Variants in SMARCA5 observed in about 807,000 individuals in gnomAD.
The protein encoded by SMARCA5 is SWI/SNF-related matrix-associated actin-dependent regulator of chromatin subfamily A member 5.
In SMARCA5, 18 loss-of-function variants were observed where a neutral mutation model predicts 140.4. The ratio of observed to expected loss-of-function variants is 0.13; its 90% CI spans 0.09 to 0.19. The LOEUF is 0.19. Ranked by LOEUF, SMARCA5 falls within the 10% of genes least tolerant of loss-of-function variation. The probability of loss-of-function intolerance (pLI) is 1.00; values close to 1 mark genes in which losing one functional copy is unlikely to be tolerated. For missense variants in SMARCA5, 606 were observed against 1,276.8 expected (o/e 0.47, Z 8.01); for synonymous variants, 449 against 419.6 (o/e 1.07, Z -0.86).
chr4:143,538,446 A>G (rs565365221), intron 11 of SMARCA5, 144 bp from the exon 12 acceptor site: 4 of 649,352 alleles, frequency 6.2e-6, no homozygotes, highest in East Asian at 5.2e-5. Context: ...ACTGACTTGG[A>G]TAATAATGTG....
At chr4:143,535,566 C>G (rs1221382043) in intron 10 of SMARCA5, among the ~76,000 whole-genome samples, 1 of 152,086 alleles carries the variant, frequency 6.6e-6, no homozygotes, top group African/African-American at 2.4e-5. Flanking sequence ...GTGGTTGGTC[C>G]TAAATGTCCT....
rs1737727960 is a variant in SMARCA5, at chr4:143,555,460, G to GAAAGT, written c.*2281_*2285dup. 1 of 543,364 alleles carries GAAAGT rather than the reference G, an allele frequency of 1.8e-6. No homozygotes were observed. The allele number at this position is 543,364 out of a possible 1,614,324, so 33.7% of individuals were successfully genotyped here. The stretch of plus-strand genomic sequence containing the variant: ...ATTGTATAATAGTTTCTGTTCTGTG[G>GAAAGT]AAAGTAAAGCATTCCAACACAGGGT... On this transcript the variant is annotated 3_prime_UTR_variant, in exon 24 of 24. Coordinates refer to ENST00000283131, the MANE Select transcript of SMARCA5 (RefSeq NM_003601.4).
chr4:143,553,114 T>C lies in SMARCA5; in HGVS notation c.3094-5T>C, dbSNP rs1271409020. 17 of 1,608,752 alleles carry C rather than the reference T, an allele frequency of 1.1e-5. No individual in the cohort carries two copies. Among genetic ancestry groups the C allele is most frequent in the Non-Finnish European group, 1.2e-5 (14 of 1,175,494 alleles). On this transcript the variant is annotated splice_region_variant and splice_polypyrimidine_tract_variant and intron_variant, in intron 23 of 23. Coordinates refer to ENST00000283131, the MANE Select transcript of SMARCA5 (RefSeq NM_003601.4). ...GTGAAAAGTAATCCTTCTGTCTGTT[T>C]GTAGACACAGAAACGTAAAATGGAT...
Position 143,549,007 on chromosome 4 carries a change from A to C in SMARCA5, c.2985+867A>C, listed in dbSNP as rs562429152. Among the ~76,000 whole-genome samples the C allele has an allele frequency of 2.0e-5, 3 of 152,224 alleles. No homozygotes were observed. The East Asian group carries it at 5.8e-4, about 29-fold the overall frequency. ...AATACATGAAGATACTTTGAAGATA[A>C]AACACTGTATAAATATATAATTAGA... On this transcript the variant is annotated intron_variant, in intron 22 of 23. Coordinates refer to ENST00000283131, the MANE Select transcript of SMARCA5 (RefSeq NM_003601.4).
At chr4:143,540,236 G>T in intron 13 of SMARCA5, 127 bp from the exon 14 acceptor site, 1 of 624,746 alleles carries the variant, frequency 1.6e-6, no homozygotes, top group East Asian at 3.1e-5. Flanking sequence ...TACAGATGCA[G>T]TGTTATTACA....
intron 11 of SMARCA5, 71 bp downstream of exon 11, chr4:143,536,749 C>A: frequency 9.4e-7 from 1 of 1,060,642 alleles, no homozygotes; most frequent in Non-Finnish European, 1.4e-6. Context: ...GAGCACTGTA[C>A]TTTGAAATGA....
At chr4:143,528,213 A>G (rs1385356931) in intron 7 of SMARCA5, among the ~76,000 whole-genome samples, 190 bp downstream of exon 7, 1 of 151,994 alleles carries the variant, frequency 6.6e-6, no homozygotes, top group African/African-American at 2.4e-5. Flanking sequence ...TGCATTAGGT[A>G]TTTGTCCTAA....
chr4:143,549,650 C>T (rs1737603244), intron 22 of SMARCA5, among the ~76,000 whole-genome samples: 1 of 152,042 alleles, frequency 6.6e-6, no homozygotes, highest in African/African-American at 2.4e-5. Flanking sequence ...CACTATTAAT[C>T]TTTTTAAGTT....
chr4:143,547,619 A>G, intron 21 of SMARCA5, 116 bp downstream of exon 21: 4 of 651,004 alleles, frequency 6.1e-6, no homozygotes, highest in Non-Finnish European at 8.2e-6. Flanking sequence ...AAATTTCTTC[A>G]GAGTAGCATT....
chr4:143,531,996 G>A (rs1737196734), intron 9 of SMARCA5, among the ~76,000 whole-genome samples: 1 of 152,182 alleles, frequency 6.6e-6, no homozygotes, highest in Non-Finnish European at 1.5e-5. Context: ...TGATTCACAA[G>A]TGTTTTCCAT....
At chr4:143,536,782 T>A in intron 11 of SMARCA5, 104 bp downstream of exon 11, 1 of 787,624 alleles carries the variant, frequency 1.3e-6, no homozygotes, top group Non-Finnish European at 2.1e-6. Flanking sequence ...TTTCCAAGGT[T>A]GACGTGTAGA....
Position 143,553,950 on chromosome 4 carries a change from TTAGA to T in SMARCA5, c.*769_*772del, listed in dbSNP as rs1412427780. On this transcript the variant is annotated 3_prime_UTR_variant, in exon 24 of 24. Transcript: ENST00000283131. The stretch of plus-strand genomic sequence containing the variant: ...TATGACCTTCTGAAGCAGCCACAAC[TTAGA>T]TAATGTCAGAACTAAGGTGATTTTT... The T allele has an allele frequency of 1.3e-5, 2 of 150,226 alleles. No individual in the cohort carries two copies. Among genetic ancestry groups the T allele is most frequent in the Non-Finnish European group, 3.0e-5 (2 of 67,586 alleles). 9.3% of individuals were successfully genotyped at this position (150,226 alleles called of 1,614,324 possible).
At chr4:143,517,017 T>C (rs1017077977) in intron 1 of SMARCA5, among the ~76,000 whole-genome samples, 1 of 152,224 alleles carries the variant, frequency 6.6e-6, no homozygotes. Context: ...CCACATTTTA[T>C]ACTATTTAGT....
At chr4:143,536,384 G>C in intron 10 of SMARCA5, 68 bp from the exon 11 acceptor site, 1 of 1,021,606 alleles carries the variant, frequency 9.8e-7, no homozygotes, top group Non-Finnish European at 1.5e-6. Context: ...AGGGGATTAA[G>C]TATGTAAAGT....
At chr4:143,536,710 T>C (rs1279897778) in intron 11 of SMARCA5, 32 bp downstream of exon 11, 12 of 1,442,970 alleles carry the variant, frequency 8.3e-6, no homozygotes, top group Non-Finnish European at 1.1e-5. Flanking sequence ...TTATCAAAAC[T>C]GTTTTAAAAT....
intron 6 of SMARCA5, among the ~76,000 whole-genome samples, chr4:143,527,178 C>A (rs1737091794): frequency 1.3e-5 from 2 of 152,074 alleles, no homozygotes; most frequent in South Asian, 4.1e-4. Flanking sequence ...GATCAGTTGA[C>A]AACATCCTTG....
chr4:143,541,803 G>T (rs1165106741), intron 14 of SMARCA5, among the ~76,000 whole-genome samples: 4 of 151,702 alleles, frequency 2.6e-5, no homozygotes, highest in Admixed American at 2.0e-4. Context: ...ACATCCATGT[G>T]TTTTGAAATA....
intron 4 of SMARCA5, among the ~76,000 whole-genome samples, chr4:143,525,165 C>T (rs1334055314): frequency 6.6e-6 from 1 of 151,696 alleles, no homozygotes; most frequent in Non-Finnish European, 1.5e-5. Context: ...AGACGAGAGG[C>T]CAAAGAGTCT....
intron 16 of SMARCA5, 112 bp downstream of exon 16, chr4:143,544,084 G>A: frequency 1.5e-6 from 1 of 664,584 alleles, no homozygotes; most frequent in Non-Finnish European, 2.3e-6. Context: ...AGTCATTTTT[G>A]CTTATTCACA....
Sources: gnomAD v4.1 joint callset for allele counts (sites outside exome capture counted in the v4.1 genomes callset) on GRCh38, gnomAD v4.1.1 for gene constraint, MANE v1.5 for transcripts, NCBI Gene and HGNC (gene_info 2026-07-23, HGNC 2026-07-21) for gene names.